Variants in DCC observed in about 807,000 individuals in gnomAD.
DCC encodes netrin receptor DCC.
DCC carries 58 observed loss-of-function variants against 172.5 expected under a neutral mutation model. The ratio of observed to expected loss-of-function variants is 0.34; its 90% CI spans 0.27 to 0.42. The LOEUF is 0.42. DCC is among the 10% of genes least tolerant of loss of function. DCC has a pLI of 1.00. For missense variants in DCC, 1,740 were observed against 1,791.0 expected (o/e 0.97, Z 0.51); for synonymous variants, 709 against 644.5 (o/e 1.10, Z -1.52).
At chr18:52,946,005 G>A (rs1943135) in intron 5 of DCC, among the ~76,000 whole-genome samples, 21,216 of 152,108 alleles carry the variant, frequency 0.14, 1,752 homozygotes, top group East Asian at 0.34. Context: ...AGGAACATGT[G>A]CTCTTCAGGT....
chr18:53,461,303 A>G (rs960877972), intron 24 of DCC, among the ~76,000 whole-genome samples: 2 of 151,238 alleles, frequency 1.3e-5, no homozygotes, highest in Admixed American at 6.6e-5. Context: ...CCATTTGTCA[A>G]TTTTGTCTTT....
chr18:53,167,512 G>A (rs950534337), intron 8 of DCC, among the ~76,000 whole-genome samples: 1 of 152,128 alleles, frequency 6.6e-6, no homozygotes, highest in African/African-American at 2.4e-5. Flanking sequence ...ATGGAACAAG[G>A]AATAGAATCC....
chr18:52,938,345 G>A (rs888307879), intron 5 of DCC, among the ~76,000 whole-genome samples: 2 of 152,144 alleles, frequency 1.3e-5, no homozygotes, highest in African/African-American at 4.8e-5. Context: ...TGGGAGTAGA[G>A]CAATAGTAGT....
intron 1 of DCC, among the ~76,000 whole-genome samples, chr18:52,444,365 C>T (rs575703634): frequency 1.4e-4 from 21 of 152,250 alleles, no homozygotes; most frequent in African/African-American, 4.3e-4. Flanking sequence ...AAGACTTCTA[C>T]GTCAAGAAGC....
intron 1 of DCC, among the ~76,000 whole-genome samples, chr18:52,343,519 G>A (rs1307375405): frequency 6.6e-6 from 1 of 152,180 alleles, no homozygotes; most frequent in Non-Finnish European, 1.5e-5. Flanking sequence ...TAGAGAGTGA[G>A]GACTTGATGT....
At chr18:52,715,730 G>T (rs1163197782) in intron 1 of DCC, among the ~76,000 whole-genome samples, 1 of 152,070 alleles carries the variant, frequency 6.6e-6, no homozygotes, top group African/African-American at 2.4e-5. Flanking sequence ...CTGTGCTTAG[G>T]GTTCTTGGCC....
rs560736822 is a variant in DCC at position 52,711,321 on chromosome 18, G to A, written c.92-40733G>A. Among the ~76,000 whole-genome samples the A allele has an allele frequency of 1.0e-3, 156 of 152,078 alleles. 1 individual carries two copies. The highest frequency in any genetic ancestry group is 1.7e-3 in the Non-Finnish European group (118 of 67,996). On this transcript the variant is annotated intron_variant, in intron 1 of 28. Transcript: ENST00000442544. ...TGGCTCACCGCAACCTCTGCCTCCC[G>A]GGTTCAAGTGATTCTCCTGCCTCAG... is the stretch of plus-strand genomic sequence containing the variant.
chr18:52,650,959 A>C (rs1025175667), intron 1 of DCC, among the ~76,000 whole-genome samples: 2 of 152,248 alleles, frequency 1.3e-5, no homozygotes, highest in African/African-American at 4.8e-5. Context: ...ACAATGTAAC[A>C]GATACCAAAA....
intron 1 of DCC, among the ~76,000 whole-genome samples, chr18:52,456,823 C>T (rs1048061601): frequency 6.6e-6 from 1 of 152,054 alleles, no homozygotes; most frequent in Non-Finnish European, 1.5e-5. Flanking sequence ...AGCCACAAAT[C>T]GCAAAGCTGG....
chr18:52,598,541 T>A (rs2033953383), intron 1 of DCC, among the ~76,000 whole-genome samples: 1 of 152,252 alleles, frequency 6.6e-6, no homozygotes, highest in South Asian at 2.1e-4. Flanking sequence ...CACCAGGATG[T>A]ATGATGGGAG....
chr18:53,166,154 G>T (rs1223625763), intron 8 of DCC, among the ~76,000 whole-genome samples: 1 of 152,084 alleles, frequency 6.6e-6, no homozygotes, highest in African/African-American at 2.4e-5. Context: ...GCACATGAAT[G>T]GTGAGGGAGT....
intron 14 of DCC, among the ~76,000 whole-genome samples, chr18:53,329,855 G>A (rs1488362484): frequency 6.6e-6 from 1 of 152,110 alleles, no homozygotes; most frequent in African/African-American, 2.4e-5. Context: ...GTACTATCTG[G>A]CATTGGAATG....
chr18:52,410,254 T>C (rs1986799827), intron 1 of DCC, among the ~76,000 whole-genome samples: 1 of 152,034 alleles, frequency 6.6e-6, no homozygotes, highest in Non-Finnish European at 1.5e-5. Context: ...TAATATCCCA[T>C]CTCTCTGAAT....
rs150969595 is a variant in DCC at position 52,639,783 on chromosome 18, G to A, written c.92-112271G>A. On this transcript the variant is annotated intron_variant, in intron 1 of 28. Coordinates refer to ENST00000442544, the MANE Select transcript of DCC (RefSeq NM_005215.4). ...GATTCACACCAGAATCCTACGAGAC[G>A]TTCAAAGAAGAATTGGTACCTATTC... is the stretch of plus-strand genomic sequence containing the variant. Among the ~76,000 whole-genome samples, 112 of 152,154 alleles carry A rather than the reference G, an allele frequency of 7.4e-4. 1 individual carries two copies. The highest frequency in any genetic ancestry group is 2.5e-3 in the African/African-American group (104 of 41,532).
chr18:53,085,455 G>C (rs1016619245), intron 7 of DCC, among the ~76,000 whole-genome samples: 7 of 152,072 alleles, frequency 4.6e-5, no homozygotes, highest in Admixed American at 4.6e-4. Context: ...AGAAACTGGA[G>C]TAAACAATGC....
intron 25 of DCC, among the ~76,000 whole-genome samples, chr18:53,475,684 C>T (rs1217522223): frequency 6.6e-6 from 1 of 152,196 alleles, no homozygotes; most frequent in South Asian, 2.1e-4. Flanking sequence ...GGGTGGGGCT[C>T]TCATGTAGAA....
Position 53,479,558 on chromosome 18 carries a change from C to G in DCC, c.3737-7239C>G, listed in dbSNP as rs573544355. Among the ~76,000 whole-genome samples, 4 of 152,282 alleles carry G rather than the reference C, an allele frequency of 2.6e-5. No homozygotes were observed. In the East Asian group the frequency reaches 7.7e-4, roughly 29 times the overall value. On this transcript the variant is annotated intron_variant, in intron 25 of 28. Coordinates refer to ENST00000442544, the MANE Select transcript of DCC (RefSeq NM_005215.4). The stretch of plus-strand genomic sequence containing the variant: ...GCAAGTCAGTAGAGTTATGCAGACA[C>G]AGTCAGAGCTTAAAAAGGTTCCTGT...
At chr18:52,641,147 A>G (rs1234685636) in intron 1 of DCC, among the ~76,000 whole-genome samples, 2 of 152,232 alleles carry the variant, frequency 1.3e-5, no homozygotes, top group African/African-American at 2.4e-5. Context: ...TGGTGCTGGG[A>G]TAATTGGCTA....
At chr18:52,674,763 A>G (rs1473026753) in intron 1 of DCC, among the ~76,000 whole-genome samples, 1 of 152,202 alleles carries the variant, frequency 6.6e-6, no homozygotes, top group East Asian at 1.9e-4. Flanking sequence ...AACCAAAAAT[A>G]AAATTCTAAG....
Sources: gnomAD v4.1 joint callset for allele counts (sites outside exome capture counted in the v4.1 genomes callset) on GRCh38, gnomAD v4.1.1 for gene constraint, MANE v1.5 for transcripts, NCBI Gene and HGNC (gene_info 2026-07-23, HGNC 2026-07-21) for gene names.